Variants in DEK observed in about 807,000 individuals in gnomAD.
The protein encoded by DEK is protein DEK.
Under a neutral mutation model 46.8 loss-of-function variants are expected in DEK, and 28 were observed. The observed-to-expected ratio is 0.60, with a 90% CI of 0.44 to 0.82. The LOEUF is 0.82. Among genes scored for constraint, DEK ranks in the 40% least tolerant of loss-of-function variants. DEK has a pLI of 0.00. For missense variants in DEK, 416 were observed against 430.6 expected (o/e 0.97, Z 0.30); for synonymous variants, 160 against 144.5 (o/e 1.11, Z -0.77).
chr6:18,250,425 C>T (rs990089901), intron 6 of DEK, among the ~76,000 whole-genome samples: 1 of 152,100 alleles, frequency 6.6e-6, no homozygotes, highest in Non-Finnish European at 1.5e-5. Context: ...GCCGAGATCG[C>T]GCCACTGCAG....
rs1554159005 is a variant in DEK at position 18,237,543 on chromosome 6, C to T, written c.763-27G>A. On this transcript the variant is annotated intron_variant, in intron 7 of 10. Coordinates refer to ENST00000652689, the MANE Select transcript of DEK (RefSeq NM_003472.4). ...TGTTACAAAAGAAAGTAAAAGTACA[C>T]ATATTGATGAGATTCAATGCTATCC... is the stretch of plus-strand genomic sequence containing the variant. 1.8e-5 allele frequency: 28 copies of T among 1,589,060 alleles called. No homozygotes were observed. In the East Asian group the frequency reaches 6.3e-4, roughly 36 times the overall value.
At chr6:18,246,982 A>C (rs1360607089) in intron 7 of DEK, among the ~76,000 whole-genome samples, 1 of 152,242 alleles carries the variant, frequency 6.6e-6, no homozygotes, top group African/African-American at 2.4e-5. Context: ...CAGGCAATCC[A>C]AAACTTCTGT....
intron 9 of DEK, among the ~76,000 whole-genome samples, chr6:18,231,825 A>G (rs1790425666): frequency 6.6e-6 from 1 of 152,234 alleles, no homozygotes; most frequent in Non-Finnish European, 1.5e-5. Flanking sequence ...AACTATTCCA[A>G]TGAATAGAAA....
At chr6:18,229,568 C>T (rs1790310559) in intron 9 of DEK, among the ~76,000 whole-genome samples, 1 of 152,162 alleles carries the variant, frequency 6.6e-6, no homozygotes, top group Non-Finnish European at 1.5e-5. Flanking sequence ...GGCACGAGAA[C>T]TACGTGATGC....
rs555789837 is a variant in DEK, at chr6:18,249,401, C to T, written c.762+250G>A. 2.6e-5 allele frequency among the ~76,000 whole-genome samples: 4 copies of T among 152,312 alleles called. No homozygotes were observed. In the East Asian group the frequency reaches 7.7e-4, roughly 29 times the overall value. The stretch of plus-strand genomic sequence containing the variant: ...CTTCCCATTTATCTACTCTAGTCTT[C>T]AACGTCCAGCTCAAGGCCCACTTCA... On this transcript the variant is annotated intron_variant, in intron 7 of 10. Transcript: ENST00000652689.
intron 7 of DEK, among the ~76,000 whole-genome samples, chr6:18,246,116 CT>C (rs1162705450): frequency 6.6e-6 from 1 of 152,188 alleles, no homozygotes; most frequent in Non-Finnish European, 1.5e-5. Flanking sequence ...TGAGAAAGGA[CT>C]AATACACTCA....
intron 4 of DEK, among the ~76,000 whole-genome samples, chr6:18,257,608 T>C (rs920396482): frequency 1.3e-5 from 2 of 151,838 alleles, no homozygotes; most frequent in Non-Finnish European, 2.9e-5. Flanking sequence ...CCCAGCTACT[T>C]GGGAGGCTTA....
chr6:18,236,328 T>C, intron 9 of DEK, 124 bp downstream of exon 9: 3 of 1,011,006 alleles, frequency 3.0e-6, no homozygotes, highest in South Asian at 3.3e-5. Context: ...AGATCTGGCA[T>C]ATAGTAGTTC....
chr6:18,252,745 T>C (rs1487142117), intron 6 of DEK, among the ~76,000 whole-genome samples: 1 of 152,182 alleles, frequency 6.6e-6, no homozygotes, highest in Non-Finnish European at 1.5e-5. Context: ...ATTTATCTGC[T>C]CTTTTCACTG....
At position 18,264,385 on chromosome 6, in the gene DEK, C is replaced by A. The variant is rs993471484; in HGVS notation, c.-10G>T. The A allele has an allele frequency of 1.8e-5, 4 of 222,264 alleles. 1 individual carries two copies. Among genetic ancestry groups the A allele is most frequent in the Admixed American group, 1.8e-4 (3 of 17,088 alleles). The allele number at this position is 222,264 out of a possible 1,614,324, so 13.8% of individuals were successfully genotyped here. A position where few individuals can be genotyped will look rare whatever the true frequency, so the allele number is the denominator to read the frequency against. On this transcript the variant is annotated splice_region_variant and 5_prime_UTR_variant, in exon 1 of 11. Coordinates refer to ENST00000652689, the MANE Select transcript of DEK (RefSeq NM_003472.4). ...TCCGGCGTCCCGAAGCAGCCCTTAC[C>A]GCGGATTTCGGCCGCCGCGGGCCTG...
intron 7 of DEK, among the ~76,000 whole-genome samples, chr6:18,248,095 C>G (rs1791203902): frequency 6.6e-6 from 1 of 152,124 alleles, no homozygotes; most frequent in Non-Finnish European, 1.5e-5. Flanking sequence ...ACTATATGCA[C>G]CAGGCACCGC....
Position 18,237,467 on chromosome 6 carries a change from G to C in DEK, c.812C>G (p.Ser271Cys), listed in dbSNP as rs773254857. The C allele has an allele frequency of 6.2e-7, 1 of 1,610,422 alleles. No homozygotes were observed. Among genetic ancestry groups the C allele is most frequent in the African/African-American group, 1.3e-5 (1 of 74,518 alleles). ...ACTTTTCACAGATTTTTTACTTTTAGAAGTAGCTTTCTGTTTAGGTTTTTC... is the reference window on the plus strand; with the variant it reads ...ACTTTTCACAGATTTTTTACTTTTACAAGTAGCTTTCTGTTTAGGTTTTTC... ...KREKPKQKATSKSKKSVKSAN... is the reference protein window; with the variant it reads ...KREKPKQKATCKSKKSVKSAN... Residue 271 changes from serine (S) to cysteine (C), a missense_variant, in exon 8 of 11, where the codon TCT becomes TGT. Ser to Cys is a moderately radical substitution (Grantham distance 112, BLOSUM62 -1). Transcript: ENST00000652689.
intron 7 of DEK, among the ~76,000 whole-genome samples, chr6:18,246,688 T>C (rs143875474): frequency 1.0e-3 from 152 of 152,334 alleles, no homozygotes; most frequent in African/African-American, 3.5e-3. Flanking sequence ...TTTAACCTCA[T>C]ATAATTAGCC....
chr6:18,264,403 C>G lies in DEK; in HGVS notation c.-28G>C. ...CCCTTACCGCGGATTTCGGCCGCCGCGGGCCTGGCACGCGAGGGCACGAGG... is the reference window on the plus strand; with the variant it reads ...CCCTTACCGCGGATTTCGGCCGCCGGGGGCCTGGCACGCGAGGGCACGAGG... On this transcript the variant is annotated 5_prime_UTR_variant, in exon 1 of 11. Coordinates refer to ENST00000652689, the MANE Select transcript of DEK (RefSeq NM_003472.4). The G allele has an allele frequency of 4.2e-6, 1 of 237,874 alleles. No homozygotes were observed. Among genetic ancestry groups the G allele is most frequent in the South Asian group, 3.8e-5 (1 of 26,422 alleles). The allele number at this position is 237,874 out of a possible 1,614,324, so 14.7% of individuals were successfully genotyped here.
At chr6:18,252,431 C>T (rs1791419546) in intron 6 of DEK, among the ~76,000 whole-genome samples, 1 of 146,164 alleles carries the variant, frequency 6.8e-6, no homozygotes, top group Non-Finnish European at 1.5e-5. Flanking sequence ...ATCACCTGAG[C>T]CCAGGAGGTC....
intron 7 of DEK, among the ~76,000 whole-genome samples, chr6:18,242,555 C>T (rs1417142308): frequency 6.6e-6 from 1 of 152,190 alleles, no homozygotes; most frequent in East Asian, 1.9e-4. Context: ...CCTGCTCACT[C>T]CTGCCCGGGA....
chr6:18,231,510 G>A (rs370721221), intron 9 of DEK, among the ~76,000 whole-genome samples: 110 of 152,038 alleles, frequency 7.2e-4, no homozygotes, highest in African/African-American at 2.5e-3. Context: ...TCAAACAGAC[G>A]AAATAAAAAA....
chr6:18,256,304 T>TA (rs1186190647), intron 5 of DEK, 57 bp downstream of exon 5: 19 of 1,467,912 alleles, frequency 1.3e-5, no homozygotes, highest in Non-Finnish European at 1.7e-5. Flanking sequence ...GATTTAACAT[T>TA]AAAAAATAAA....
At chr6:18,238,779 T>C (rs1345336557) in intron 7 of DEK, among the ~76,000 whole-genome samples, 1 of 152,152 alleles carries the variant, frequency 6.6e-6, no homozygotes, top group Non-Finnish European at 1.5e-5. Flanking sequence ...TAATTAATGT[T>C]CCCAAAGGAA....
Sources: allele counts gnomAD v4.1 joint callset (sites outside exome capture counted in the v4.1 genomes callset), GRCh38; gene constraint gnomAD v4.1.1; transcripts MANE v1.5; gene names NCBI Gene and HGNC (gene_info 2026-07-23, HGNC 2026-07-21).